GRK7: variants seen among roughly 807,000 people sequenced by gnomAD.
GRK7 encodes the protein rhodopsin kinase GRK7.
A neutral mutation model predicts 34.1 loss-of-function variants in GRK7; 24 were observed. The observed-to-expected ratio is 0.70, with a 90% confidence interval of 0.51 to 0.99. The LOEUF is 0.99. GRK7 is among the 50% of genes least tolerant of loss of function. GRK7 has a pLI of 0.00. For missense variants in GRK7, 644 were observed against 707.3 expected (o/e 0.91, Z 1.02); for synonymous variants, 256 against 279.4 (o/e 0.92, Z 0.84).
intron 4 of GRK7, among the ~76,000 whole-genome samples, chr3:141,802,366 TCACACA>T (rs113029036): frequency 7.6e-5 from 11 of 145,678 alleles, no homozygotes; most frequent in East Asian, 2.0e-4. Context: ...TCTTTCTCTG[TCACACA>T]CACACACACA....
intron 1 of GRK7, among the ~76,000 whole-genome samples, chr3:141,768,571 C>T (rs2084601053): frequency 6.6e-6 from 1 of 152,154 alleles, no homozygotes; most frequent in Admixed American, 6.5e-5. Flanking sequence ...TGAGCCACCG[C>T]CCCTGGTCCT....
At chr3:141,769,469 C>T (rs1025236839) in intron 1 of GRK7, among the ~76,000 whole-genome samples, 12 of 152,212 alleles carry the variant, frequency 7.9e-5, no homozygotes, top group Non-Finnish European at 1.3e-4. Flanking sequence ...AATATATCCA[C>T]ATCGTATGGC....
chr3:141,805,062 AC>A (rs2107892514), intron 4 of GRK7, among the ~76,000 whole-genome samples: 1 of 14,868 alleles, frequency 6.7e-5, no homozygotes, highest in African/African-American at 2.5e-4. Flanking sequence ...ATATGCCCAC[AC>A]ACACACACAC....
In GRK7 at chr3:141,778,520, C is replaced by T. The variant is rs147427020; in HGVS notation, c.236C>T (p.Thr79Met). 2.4e-4 allele frequency: 395 copies of T among 1,613,412 alleles called. 7 individuals carry two copies. In the South Asian group the frequency reaches 4.1e-3, roughly 17 times the overall value. Residue 79 changes from threonine (T) to methionine (M), a missense_variant, in exon 3 of 6, where the codon ACG becomes ATG. Physicochemically the swap from Thr to Met is moderately conservative, Grantham distance 81 (BLOSUM62 -1). Coordinates refer to ENST00000682958, the MANE Select transcript of GRK7 (RefSeq NM_139209.3). This position sits in a 1 kb window ranked among gnomAD's most constrained non-coding sequence, Gnocchi z 4.1. The part of the protein sequence containing the change: ...LFRDFLATVP[T>M]FRKAATFLED... Reference sequence around the variant, plus strand: ...CGTGACTTCCTAGCCACAGTGCCCACGTTCCGCAAGGCGGCAACCTTCCTA... The same window carrying T: ...CGTGACTTCCTAGCCACAGTGCCCATGTTCCGCAAGGCGGCAACCTTCCTA...
At chr3:141,785,656 T>C (rs1364767748) in intron 4 of GRK7, among the ~76,000 whole-genome samples, 3 of 151,662 alleles carry the variant, frequency 2.0e-5, no homozygotes, top group Non-Finnish European at 2.9e-5. Context: ...CCCAGCTACT[T>C]GGGAGGCTGC....
intron 1 of GRK7, among the ~76,000 whole-genome samples, chr3:141,768,099 G>A (rs763462712): frequency 3.9e-5 from 6 of 152,040 alleles, no homozygotes; most frequent in African/African-American, 7.2e-5. Flanking sequence ...CCTGTGGAGC[G>A]GCCTCTAACC....
chr3:141,771,214 C>T (rs953935070), intron 1 of GRK7, among the ~76,000 whole-genome samples: 4 of 150,222 alleles, frequency 2.7e-5, no homozygotes, highest in South Asian at 4.2e-4. Flanking sequence ...TGTGTGTGCA[C>T]GTGTGTGTGT....
At chr3:141,800,398 A>T (rs1444717703) in intron 4 of GRK7, among the ~76,000 whole-genome samples, 1 of 151,626 alleles carries the variant, frequency 6.6e-6, no homozygotes, top group Non-Finnish European at 1.5e-5. Flanking sequence ...AAAAAAAAAA[A>T]AAAAAAACTC....
At chr3:141,782,095 T>C (rs2084674663) in intron 4 of GRK7, among the ~76,000 whole-genome samples, 1 of 152,170 alleles carries the variant, frequency 6.6e-6, no homozygotes, top group African/African-American at 2.4e-5. Context: ...GAATGCCTTC[T>C]TGTAGGGGAA....
chr3:141,798,031 C>A (rs1710913598), intron 4 of GRK7, among the ~76,000 whole-genome samples: 1 of 152,216 alleles, frequency 6.6e-6, no homozygotes, highest in African/African-American at 2.4e-5. Context: ...CACTGGGACT[C>A]TGTCCAGGGC....
intron 4 of GRK7, among the ~76,000 whole-genome samples, chr3:141,797,006 A>G (rs1458897699): frequency 5.3e-5 from 8 of 152,224 alleles, no homozygotes; most frequent in Admixed American, 4.6e-4. Flanking sequence ...TGAGGCTCAG[A>G]GGGGTTGAGT....
intron 4 of GRK7, among the ~76,000 whole-genome samples, chr3:141,802,791 A>C (rs2107890929): frequency 6.6e-6 from 1 of 152,182 alleles, no homozygotes; most frequent in African/African-American, 2.4e-5. Flanking sequence ...TGAGCAATGG[A>C]AACGGGAGAT....
At chr3:141,783,711 A>T (rs1266646848) in intron 4 of GRK7, among the ~76,000 whole-genome samples, 4 of 152,044 alleles carry the variant, frequency 2.6e-5, no homozygotes, top group Non-Finnish European at 4.4e-5. Context: ...GAGTTTTGAG[A>T]TGGGGAGGGC....
At position 141,764,469 on chromosome 3, in the gene GRK7, A is replaced by T. The variant is rs1463042900; in HGVS notation, c.-1484A>T. On this transcript the variant is annotated 5_prime_UTR_variant, in exon 1 of 6. Transcript: ENST00000682958. ...CTTATCCCACTGACCTCTCAGCAGC[A>T]TTTGCCGTAGTAATCACTGTTTTCT... 2.0e-5 allele frequency among the ~76,000 whole-genome samples: 3 copies of T among 152,110 alleles called. No homozygotes were observed. Among genetic ancestry groups the T allele is most frequent in the Admixed American group, 2.0e-4 (3 of 15,266 alleles).
upstream of GRK7, among the ~76,000 whole-genome samples, chr3:141,763,380 G>A (rs1426956439): frequency 6.6e-6 from 1 of 152,136 alleles, no homozygotes; most frequent in African/African-American, 2.4e-5. Context: ...CAAAGTGAAA[G>A]GAGCAACTTT....
At chr3:141,753,157 T>G in the GRK7 span, among the ~76,000 whole-genome samples, 2 of 152,234 alleles carry the variant, frequency 1.3e-5, no homozygotes, top group Non-Finnish European at 2.9e-5. Context: ...ACTACTTGCT[T>G]AACACTGTCT....
chr3:141,783,126 T>C (rs1199746851), intron 4 of GRK7, among the ~76,000 whole-genome samples: 3 of 152,082 alleles, frequency 2.0e-5, no homozygotes. Context: ...CAGGAGTAAA[T>C]AGGCATGCAT....
chr3:141,795,682 G>A (rs182216336), intron 4 of GRK7, among the ~76,000 whole-genome samples: 1 of 152,238 alleles, frequency 6.6e-6, no homozygotes, highest in African/African-American at 2.4e-5. Context: ...GCTAATGCCT[G>A]TAATCTCAGC....
chr3:141,808,896 A>G lies in GRK7; in HGVS notation c.1325+977A>G, dbSNP rs76087528. Among the ~76,000 whole-genome samples the G allele has an allele frequency of 8.9e-3, 1,357 of 152,184 alleles. 4 individuals are homozygous for G. Among genetic ancestry groups the G allele is most frequent in the Middle Eastern group, 0.02 (6 of 294 alleles). On this transcript the variant is annotated intron_variant, in intron 5 of 5. Transcript: ENST00000682958. ...TACATTATCTATTCAAAAATAATTA[A>G]AACAGGCTGGGCACAGTGGCTCACA...
Sources: gnomAD v4.1 joint callset for allele counts (sites outside exome capture counted in the v4.1 genomes callset) on GRCh38, gnomAD v4.1.1 for gene constraint, Gnocchi (gnomAD v3.1) non-coding constraint, MANE v1.5 for transcripts, NCBI Gene and HGNC (gene_info 2026-07-23, HGNC 2026-07-21) for gene names.